Variants in FLNB observed in about 807,000 individuals in gnomAD.
FLNB encodes the protein filamin-B.
FLNB carries 111 observed loss-of-function variants against 250.6 expected under a neutral mutation model. That is an observed-to-expected ratio of 0.44 (90% CI 0.38 to 0.52). FLNB has a LOEUF of 0.52. Ranked by LOEUF, FLNB falls within the 20% of genes least tolerant of loss-of-function variation. FLNB has a pLI of 0.00. For synonymous variants in FLNB, 1,302 were observed against 1,372.1 expected, an observed-to-expected ratio of 0.95 and a Z score of 1.13; for missense variants, 2,869 against 3,447.8, an observed-to-expected ratio of 0.83 and a Z score of 4.20.
chr3:58,109,832 C>T (rs1488924779), intron 15 of FLNB, 133 bp downstream of exon 15: 1 of 1,400,290 alleles, frequency 7.1e-7, no homozygotes, highest in Admixed American at 1.7e-5. Flanking sequence ...GCCTCTGAGT[C>T]ATTCCTTAGT....
intron 33 of FLNB, 104 bp downstream of exon 33, chr3:58,146,153 G>T (rs2097335512): frequency 7.2e-6 from 9 of 1,255,412 alleles, no homozygotes; most frequent in Non-Finnish European, 1.0e-5. Flanking sequence ...TCGAATGGTA[G>T]TATTTGTCTT....
At chr3:58,050,208 T>G (rs1301706738) in intron 1 of FLNB, among the ~76,000 whole-genome samples, 1 of 151,974 alleles carries the variant, frequency 6.6e-6, no homozygotes, top group Non-Finnish European at 1.5e-5. Flanking sequence ...TTTTGTATTT[T>G]TAGTACAGAC....
At chr3:58,113,178 T>C (rs902655577) in intron 18 of FLNB, among the ~76,000 whole-genome samples, 18 of 152,238 alleles carry the variant, frequency 1.2e-4, no homozygotes, top group African/African-American at 4.3e-4. Flanking sequence ...ACTGAAGCCC[T>C]GTATCCATTA....
intron 1 of FLNB, among the ~76,000 whole-genome samples, chr3:58,036,996 A>G (rs917851220): frequency 6.6e-6 from 1 of 152,110 alleles, no homozygotes; most frequent in African/African-American, 2.4e-5. Context: ...TCTTCATGAC[A>G]AACATTGCTG....
intron 1 of FLNB, among the ~76,000 whole-genome samples, chr3:58,042,606 C>A (rs1462968048): frequency 6.6e-6 from 1 of 151,970 alleles, no homozygotes; most frequent in South Asian, 2.1e-4. Flanking sequence ...TCTCAACCTC[C>A]CAGGCTTAAG....
At chr3:58,166,499 C>A (rs2097370765) in intron 43 of FLNB, among the ~76,000 whole-genome samples, 1 of 152,134 alleles carries the variant, frequency 6.6e-6, no homozygotes, top group Admixed American at 6.5e-5. Flanking sequence ...CTTTCCCCTG[C>A]AGCCACATCA....
At chr3:58,022,510 TA>T (rs1366457355) in intron 1 of FLNB, among the ~76,000 whole-genome samples, 1 of 152,224 alleles carries the variant, frequency 6.6e-6, no homozygotes, top group African/African-American at 2.4e-5. Context: ...AAAATGAATT[TA>T]ATAGGAAATT....
chr3:58,047,567 C>CTT (rs911361292), intron 1 of FLNB, among the ~76,000 whole-genome samples: 1 of 145,326 alleles, frequency 6.9e-6, no homozygotes. Flanking sequence ...ATATCACACA[C>CTT]TTTTTTTTTT....
At chr3:58,042,087 G>GCA (rs1157926746) in intron 1 of FLNB, among the ~76,000 whole-genome samples, 6 of 152,164 alleles carry the variant, frequency 3.9e-5, no homozygotes, top group Admixed American at 6.5e-5. Context: ...CATTCTCCAT[G>GCA]AAGCCACCTG....
intron 1 of FLNB, among the ~76,000 whole-genome samples, chr3:58,020,793 T>C (rs1321226905): frequency 6.6e-6 from 1 of 151,028 alleles, no homozygotes; most frequent in Non-Finnish European, 1.5e-5. Flanking sequence ...GCATTCGAAC[T>C]ATAGGGAAAC....
Position 58,134,900 on chromosome 3 carries a change from AAAGAGTCAGTAAATGTGCAG to A in FLNB, c.4671+132_4671+151del, listed in dbSNP as rs2097313514. 2.2e-5 allele frequency: 19 copies of A among 879,386 alleles called. 1 individual carries two copies. The South Asian group carries it at 3.0e-4, about 14-fold the overall frequency. 54.5% of individuals were successfully genotyped at this position (879,386 alleles called of 1,614,324 possible). On this transcript the variant is annotated intron_variant, in intron 27 of 45. Transcript: ENST00000295956. ...AAGTTGTTTGTTAGATTTTCCCACCAAAGAGTCAGTAAATGTGCAGAAGCAGAAGCAGCTCACCTGAGAGA... is the reference window on the plus strand; with the variant it reads ...AAGTTGTTTGTTAGATTTTCCCACCAAAGCAGAAGCAGCTCACCTGAGAGA...
chr3:58,138,901 G>T (rs1157494221), intron 29 of FLNB, among the ~76,000 whole-genome samples: 1 of 152,126 alleles, frequency 6.6e-6, no homozygotes, highest in African/African-American at 2.4e-5. Context: ...CCATCTTCAT[G>T]GCCATTCTCC....
intron 42 of FLNB, among the ~76,000 whole-genome samples, chr3:58,161,341 G>C (rs1471618578): frequency 2.0e-5 from 3 of 152,176 alleles, no homozygotes; most frequent in Admixed American, 2.0e-4. Flanking sequence ...GGATTGGTCA[G>C]GGCCTTAAAG....
At chr3:58,153,273 C>T (rs1173264694) in intron 38 of FLNB, 102 bp from the exon 39 acceptor site, 5 of 1,366,924 alleles carry the variant, frequency 3.7e-6, no homozygotes, top group South Asian at 1.2e-5. Flanking sequence ...GTCCACCGGG[C>T]TGCACACACC....
At chr3:58,098,108 CA>C in intron 7 of FLNB, 131 bp downstream of exon 7, 1 of 1,003,096 alleles carries the variant, frequency 1.0e-6, no homozygotes, top group Non-Finnish European at 1.5e-6. Flanking sequence ...ACAATTTTTT[CA>C]AATGTGTTAT....
chr3:58,111,569 C>T (rs1009228259), intron 16 of FLNB, among the ~76,000 whole-genome samples: 1 of 152,162 alleles, frequency 6.6e-6, no homozygotes, highest in Non-Finnish European at 1.5e-5. Flanking sequence ...TTGTTTGTGA[C>T]ATCAGGGATC....
intron 32 of FLNB, among the ~76,000 whole-genome samples, chr3:58,144,509 G>T (rs1487831376): frequency 6.6e-6 from 1 of 152,196 alleles, no homozygotes; most frequent in African/African-American, 2.4e-5. Context: ...TTTCCCTATT[G>T]GAGGGCATTT....
intron 1 of FLNB, among the ~76,000 whole-genome samples, chr3:58,070,494 C>T (rs2097192601): frequency 6.6e-6 from 1 of 152,100 alleles, no homozygotes; most frequent in South Asian, 2.1e-4. Context: ...GGTTCCCGAG[C>T]CTGTGTTTGC....
chr3:58,162,099 C>A (rs375020963), intron 42 of FLNB, among the ~76,000 whole-genome samples: 1 of 152,054 alleles, frequency 6.6e-6, no homozygotes, highest in African/African-American at 2.4e-5. Context: ...TTAAGGGAGG[C>A]GGATGGGGAC....
Sources: gnomAD v4.1 joint callset for allele counts (sites outside exome capture counted in the v4.1 genomes callset) on GRCh38, gnomAD v4.1.1 for gene constraint, MANE v1.5 for transcripts, NCBI Gene and HGNC (gene_info 2026-07-23, HGNC 2026-07-21) for gene names.